Variants in MIA2 observed in about 807,000 individuals in gnomAD.
MIA2 encodes the protein melanoma inhibitory activity protein 2.
Under a neutral mutation model 167.8 loss-of-function variants are expected in MIA2, and 127 were observed. That is an observed-to-expected ratio of 0.76 (90% confidence interval 0.66 to 0.88). The LOEUF (loss-of-function observed/expected upper bound fraction) is 0.88, where lower values mean the gene tolerates loss of function less well. Among genes scored for constraint, MIA2 ranks in the 40% least tolerant of loss-of-function variants. MIA2 has a pLI of 0.00. For synonymous variants in MIA2, 552 were observed against 541.9 expected (o/e 1.02, Z -0.26); for missense variants, 1,690 against 1,624.7 (o/e 1.04, Z -0.69).
At chr14:39,292,880 CTTTA>C (rs1237069764) in intron 10 of MIA2, among the ~76,000 whole-genome samples, 1 of 151,648 alleles carries the variant, frequency 6.6e-6, no homozygotes, top group Non-Finnish European at 1.5e-5. Context: ...ATTAAATTGG[CTTTA>C]TTTCTCATTT....
chr14:39,386,817 A>G, intron 23 of MIA2: 1 of 982,494 alleles, frequency 1.0e-6, no homozygotes, highest in Non-Finnish European at 1.6e-6. Context: ...ATTACTGATG[A>G]CCATAGAATT....
At chr14:39,354,427 ATTTG>A (rs1684975312), downstream of MIA2, among the ~76,000 whole-genome samples, 1 of 152,060 alleles carries the variant, frequency 6.6e-6, no homozygotes, top group Non-Finnish European at 1.5e-5. Flanking sequence ...TTTCTCGTAA[ATTTG>A]TTTGAGTTCT....
chr14:39,362,854 A>G (rs1043694765), intron 23 of MIA2, among the ~76,000 whole-genome samples: 3 of 152,132 alleles, frequency 2.0e-5, no homozygotes, highest in South Asian at 2.1e-4. Context: ...GTTGTATTAC[A>G]TGGGGTTTGG....
chr14:39,243,043 A>G (rs1594634812), intron 3 of MIA2, among the ~76,000 whole-genome samples: 1 of 151,392 alleles, frequency 6.6e-6, no homozygotes. Flanking sequence ...GAATTGCTTG[A>G]ACCCAGAAGG....
intron 23 of MIA2, among the ~76,000 whole-genome samples, chr14:39,374,484 G>T (rs1337784112): frequency 1.3e-5 from 2 of 152,162 alleles, no homozygotes; most frequent in African/African-American, 4.8e-5. Context: ...TATGATGATG[G>T]CTATCTTTTT....
At position 39,347,841 on chromosome 14, in the gene MIA2, T is replaced by TTTTA. The variant is rs1555415292; in HGVS notation, c.3837+70_3837+71insTTTA. 16 of 1,106,238 alleles carry TTTTA rather than the reference T, an allele frequency of 1.4e-5. No homozygotes were observed. The African/African-American group carries it at 2.7e-4, about 19-fold the overall frequency. 68.5% of individuals were successfully genotyped at this position (1,106,238 alleles called of 1,614,324 possible). ...TTCTTTTTTTTTTTTTTTTTTTTTTTATGGAGTTTCACTATTGTTGCCCAA... is the reference window on the plus strand; with the variant it reads ...TTCTTTTTTTTTTTTTTTTTTTTTTTTTTAATGGAGTTTCACTATTGTTGCCCAA... On this transcript the variant is annotated intron_variant, in intron 27 of 28. Transcript: ENST00000640607.
rs746644440 is a variant in MIA2, at chr14:39,294,999, A to G, written c.2466A>G (p.Glu822=). 4 of 1,613,574 alleles carry G rather than the reference A, an allele frequency of 2.5e-6. No homozygotes were observed. Among genetic ancestry groups the G allele is most frequent in the Non-Finnish European group, 3.4e-6 (4 of 1,179,482 alleles). Residue 822 remains glutamate, a synonymous_variant, in exon 13 of 29, where the codon GAA becomes GAG. Transcript: ENST00000640607. ...TAGCAATAAAAGATGCTTTGAATGA[A>G]AATTCTCAACTTCAGGAAAGCCAGA... ...LKIAIKDALN[E]NSQLQESQKQ... is the part of the protein sequence containing the mutation.
chr14:39,314,933 T>A, intron 20 of MIA2, 134 bp downstream of exon 20: 1 of 617,022 alleles, frequency 1.6e-6, no homozygotes, highest in Non-Finnish European at 2.5e-6. Context: ...GTGTTGCATG[T>A]GGCTGTGGGA....
intron 6 of MIA2, among the ~76,000 whole-genome samples, chr14:39,264,964 A>C (rs1251566674): frequency 6.6e-6 from 1 of 152,020 alleles, no homozygotes; most frequent in Non-Finnish European, 1.5e-5. Flanking sequence ...TCCCATGTCT[A>C]CTTATGGAGG....
intron 7 of MIA2, among the ~76,000 whole-genome samples, chr14:39,277,722 A>G (rs867413423): frequency 0.07 from 192 of 2,744 alleles, 37 homozygotes; most frequent in East Asian, 0.52. Context: ...ATATGTGTGT[A>G]TATATATATA....
intron 9 of MIA2, among the ~76,000 whole-genome samples, chr14:39,284,645 T>C (rs1445793904): frequency 6.6e-6 from 1 of 152,240 alleles, no homozygotes; most frequent in African/African-American, 2.4e-5. Context: ...TCATCAATGT[T>C]TTATACTTTT....
chr14:39,388,405 C>G lies in MIA2; in HGVS notation c.*1453C>G, dbSNP rs928670563. 1 of 152,032 alleles carries G rather than the reference C, an allele frequency of 6.6e-6. No homozygotes were observed. The highest frequency in any genetic ancestry group is 1.5e-5 in the Non-Finnish European group (1 of 68,036). The allele number at this position is 152,032 out of a possible 1,614,324, so 9.4% of individuals were successfully genotyped here. On this transcript the variant is annotated 3_prime_UTR_variant, in exon 24 of 24. Transcript: ENST00000341502. The surrounding 1 kb of genome is among the most constrained non-coding windows in gnomAD (Gnocchi z 4.1). ...TTAAGTCTAAATTTTATGTCCTTAC[C>G]TGATTTCCCTCTGAAAAATGTTTTC...
At chr14:39,267,414 G>T (rs1474733177) in intron 6 of MIA2, 2 of 1,608,882 alleles carry the variant, frequency 1.2e-6, no homozygotes, top group East Asian at 4.5e-5. Context: ...TTGTGGCCCC[G>T]ACAGGCCGGG....
At chr14:39,340,781 T>C (rs779285120) in intron 25 of MIA2, among the ~76,000 whole-genome samples, 19 of 152,210 alleles carry the variant, frequency 1.2e-4, no homozygotes, top group Non-Finnish European at 2.5e-4. Context: ...ACTTATGTCT[T>C]ATATAATGAT....
intron 23 of MIA2, among the ~76,000 whole-genome samples, chr14:39,384,034 G>A (rs1180630135): frequency 6.6e-6 from 1 of 152,214 alleles, no homozygotes; most frequent in African/African-American, 2.4e-5. Context: ...CTAAACAGCA[G>A]ATTTTCAGTG....
At chr14:39,343,004 G>C (rs1213013470) in intron 25 of MIA2, among the ~76,000 whole-genome samples, 2 of 152,004 alleles carry the variant, frequency 1.3e-5, no homozygotes, top group South Asian at 2.1e-4. Context: ...ATTTCCTGTT[G>C]GTGAGCATTT....
Position 39,371,204 on chromosome 14 carries a change from TATG to T in MIA2, c.2249-15674_2249-15672del, listed in dbSNP as rs781648822. ...TTTTTTAAAAGGATTTTTAAATATA[TATG>T]ATGATGTAATATTAAATATCTTTAT... is the stretch of plus-strand genomic sequence containing the variant. On this transcript the variant is annotated intron_variant, in intron 23 of 23. Coordinates refer to the MIA2 transcript ENST00000341502. Among the ~76,000 whole-genome samples, 21 of 152,330 alleles carry T rather than the reference TATG, an allele frequency of 1.4e-4. No individual in the cohort carries two copies. The East Asian group carries it at 1.7e-3, about 13-fold the overall frequency.
At chr14:39,343,127 C>T (rs2072388858) in intron 25 of MIA2, among the ~76,000 whole-genome samples, 1 of 152,052 alleles carries the variant, frequency 6.6e-6, no homozygotes, top group Non-Finnish European at 1.5e-5. Flanking sequence ...ATAGGGTATG[C>T]ACACTTTTGA....
At chr14:39,270,693 C>T (rs1241723878) in intron 6 of MIA2, among the ~76,000 whole-genome samples, 1 of 152,032 alleles carries the variant, frequency 6.6e-6, no homozygotes, top group Non-Finnish European at 1.5e-5. Flanking sequence ...CACACCAGGC[C>T]TTGTGGTTGT....
Sources: allele counts gnomAD v4.1 joint callset (sites outside exome capture counted in the v4.1 genomes callset), GRCh38; gene constraint gnomAD v4.1.1; non-coding constraint Gnocchi (gnomAD v3.1); transcripts MANE v1.5; gene names NCBI Gene and HGNC (gene_info 2026-07-23, HGNC 2026-07-21).